The following NFIC variants were observed in gnomAD, a reference collection of about 807,000 sequenced individuals.
NFIC encodes nuclear factor I C, also known as nuclear factor 1 C-type.
Under a neutral mutation model 54.4 loss-of-function variants are expected in NFIC, and 12 were observed. The ratio of observed to expected loss-of-function variants is 0.22; its 90% CI spans 0.14 to 0.36. The LOEUF (loss-of-function observed/expected upper bound fraction) is 0.36, where lower values mean the gene tolerates loss of function less well. Among genes scored for constraint, NFIC ranks in the 10% least tolerant of loss-of-function variants. The probability of loss-of-function intolerance (pLI) is 1.00; values close to 1 mark genes in which losing one functional copy is unlikely to be tolerated. For missense variants in NFIC, 575 were observed against 718.2 expected (o/e 0.80, Z 2.28); for synonymous variants, 322 against 319.2 (o/e 1.01, Z -0.09).
In NFIC at chr19:3,397,672, G is replaced by A. The variant is rs561752456; in HGVS notation, c.562+15429G>A. ...ATCCCACCCAGTGGGCTGCCCGGAG[G>A]TGGCGGCAACGGGGCAGCTGAATGG... is the stretch of plus-strand genomic sequence containing the variant. On this transcript the variant is annotated intron_variant, in intron 2 of 10. Coordinates refer to ENST00000443272, the MANE Select transcript of NFIC (RefSeq NM_001245002.2). 9.2e-5 allele frequency among the ~76,000 whole-genome samples: 11 copies of A among 119,418 alleles called. No homozygotes were observed. The East Asian group carries it at 2.4e-3, about 26-fold the overall frequency. 78.3% of individuals were successfully genotyped at this position (119,418 alleles called of 152,430 possible). A position where few individuals can be genotyped will look rare whatever the true frequency, so the allele number is the denominator to read the frequency against.
At chr19:3,397,739 G>A (rs1232884428) in intron 2 of NFIC, among the ~76,000 whole-genome samples, 1 of 152,202 alleles carries the variant, frequency 6.6e-6, no homozygotes, top group Non-Finnish European at 1.5e-5. Flanking sequence ...GGGTCACCCT[G>A]GGACATGCCC....
chr19:3,362,046 CT>C (rs1374149558), upstream of NFIC, among the ~76,000 whole-genome samples: 1 of 152,220 alleles, frequency 6.6e-6, no homozygotes, highest in East Asian at 1.9e-4. Flanking sequence ...ACAACCACAT[CT>C]CACCCTCCTG....
In NFIC at chr19:3,452,347, G is replaced by T. The variant is rs1339585294; in HGVS notation, c.1085-135G>T. 2 of 1,207,562 alleles carry T rather than the reference G, an allele frequency of 1.7e-6. No individual in the cohort carries two copies. The highest frequency in any genetic ancestry group is 1.4e-5 in the South Asian group (1 of 72,096). The allele number at this position is 1,207,562 out of a possible 1,614,324, so 74.8% of individuals were successfully genotyped here. The stretch of plus-strand genomic sequence containing the variant: ...GTGTCAATGTGGTCAGTGCTGCTGG[G>T]TTTTTTTGGTGGTTATTGTTACTAA... On this transcript the variant is annotated intron_variant, in intron 7 of 10. Coordinates refer to ENST00000443272, the MANE Select transcript of NFIC (RefSeq NM_001245002.2). The surrounding 1 kb of genome is among the most constrained non-coding windows in gnomAD (Gnocchi z 5.3).
rs201917998 is a variant in NFIC at position 3,372,849 on chromosome 19, CT to C, written c.30+6196del. On this transcript the variant is annotated intron_variant, in intron 1 of 10. Transcript: ENST00000443272. ...TGATAGTCCCCACTTTCATAGTAGA[CT>C]TTTTTTTTTTTTGAAACAGAGTCTC... Among the ~76,000 whole-genome samples, 272 of 146,250 alleles carry C rather than the reference CT, an allele frequency of 1.9e-3. 1 individual carries two copies. The highest frequency in any genetic ancestry group is 3.7e-3 in the African/African-American group (148 of 39,982).
chr19:3,365,796 G>T (rs754137393), upstream of NFIC, among the ~76,000 whole-genome samples: 6 of 152,110 alleles, frequency 3.9e-5, no homozygotes, highest in Non-Finnish European at 8.8e-5. Context: ...CTGCCCCTTG[G>T]GTGCTGGGTG....
intron 1 of NFIC, among the ~76,000 whole-genome samples, chr19:3,367,325 C>A (rs1347536615): frequency 1.3e-5 from 2 of 152,184 alleles, no homozygotes; most frequent in African/African-American, 4.8e-5. Flanking sequence ...CCCCCAGCAC[C>A]GTCCCGGTAT....
intron 2 of NFIC, among the ~76,000 whole-genome samples, chr19:3,422,767 T>C (rs2081972890): frequency 6.6e-6 from 1 of 151,712 alleles, no homozygotes; most frequent in South Asian, 2.1e-4. Flanking sequence ...CCGGGGGGTC[T>C]TGGAGACAGT....
rs146338186 is a variant in NFIC, at chr19:3,438,639, G to A, written c.958+3432G>A. 4.7e-4 allele frequency among the ~76,000 whole-genome samples: 71 copies of A among 151,922 alleles called. 2 individuals are homozygous for A. The East Asian group carries it at 6.2e-3, about 13-fold the overall frequency. On this transcript the variant is annotated intron_variant, in intron 6 of 10. Coordinates refer to ENST00000443272, the MANE Select transcript of NFIC (RefSeq NM_001245002.2). The stretch of plus-strand genomic sequence containing the variant: ...TTTTCAGTAGAGACGGGGTTTCACC[G>A]TGTTAGCCAGGATGGTCTCGATCTC...
intron 1 of NFIC, among the ~76,000 whole-genome samples, chr19:3,360,087 G>T (rs1281217595): frequency 6.8e-6 from 1 of 147,314 alleles, no homozygotes; most frequent in Non-Finnish European, 1.5e-5. Flanking sequence ...GGGAGCCCGG[G>T]CCAGGGAGGG....
chr19:3,462,854 T>A lies in NFIC; in HGVS notation c.*85T>A. ...GCCGGCCCCCGGCCCACGTTTTCGGTGGAAAATTAGAGTGAACAAGAACAC... is the reference window on the plus strand; with the variant it reads ...GCCGGCCCCCGGCCCACGTTTTCGGAGGAAAATTAGAGTGAACAAGAACAC... On this transcript the variant is annotated 3_prime_UTR_variant, in exon 11 of 11. Coordinates refer to ENST00000443272, the MANE Select transcript of NFIC (RefSeq NM_001245002.2). 6.2e-7 allele frequency: 1 copy of A among 1,607,298 alleles called. No homozygotes were observed. The highest frequency in any genetic ancestry group is 8.5e-7 in the Non-Finnish European group (1 of 1,178,192).
In NFIC at chr19:3,465,128, C is replaced by T. The variant is rs2082699453; in HGVS notation, c.*2359C>T. On this transcript the variant is annotated 3_prime_UTR_variant, in exon 11 of 11. Transcript: ENST00000443272. ...TGGCTCTATCTCCCTGTTCCTCGCC[C>T]CCTCCACCCCCCACTTCCTCTTTAA... 6.8e-6 allele frequency: 1 copy of T among 147,104 alleles called. No homozygotes were observed. The highest frequency in any genetic ancestry group is 2.5e-5 in the African/African-American group (1 of 39,456). The allele number at this position is 147,104 out of a possible 1,614,324, so 9.1% of individuals were successfully genotyped here.
In NFIC at chr19:3,453,825, T is replaced by C; in HGVS notation, c.1332T>C (p.Pro444=). 3 of 1,596,786 alleles carry C rather than the reference T, an allele frequency of 1.9e-6. No individual in the cohort carries two copies. The highest frequency in any genetic ancestry group is 2.6e-6 in the Non-Finnish European group (3 of 1,172,584). Residue 444 remains proline, a synonymous_variant, in exon 9 of 11, where the codon CCT becomes CCC. Coordinates refer to ENST00000443272, the MANE Select transcript of NFIC (RefSeq NM_001245002.2). The surrounding 1 kb of genome is among the most constrained non-coding windows in gnomAD (Gnocchi z 6.7). ...SHCLSAQMLA[P]PPPGLPRLAL... ...GCCTTTCTGCTCAGATGCTGGCACC[T>C]CCGCCCCCGGGGCTGCCACGGCTGG...
chr19:3,438,118 A>C (rs1443939521), intron 6 of NFIC, among the ~76,000 whole-genome samples: 1 of 152,194 alleles, frequency 6.6e-6, no homozygotes, highest in Non-Finnish European at 1.5e-5. Flanking sequence ...TGTAGCTTTA[A>C]GTCTATTTAT....
intron 2 of NFIC, among the ~76,000 whole-genome samples, chr19:3,402,303 G>A (rs2081571022): frequency 6.6e-6 from 1 of 152,200 alleles, no homozygotes; most frequent in Non-Finnish European, 1.5e-5. Flanking sequence ...CCCAGCCTCA[G>A]CCTCCCACAG....
rs1347205547 is a variant in NFIC, at chr19:3,453,878, C to G, written c.1385C>G (p.Thr462Ser). 1.3e-6 allele frequency: 2 copies of G among 1,561,120 alleles called. No individual in the cohort carries two copies. Among genetic ancestry groups the G allele is most frequent in the Non-Finnish European group, 1.7e-6 (2 of 1,154,752 alleles). The part of the protein sequence containing the change: ...LALPPATKPA[T>S]TSEGGATSPT... ...CTCCCCCCTGCCACCAAACCCGCCA[C>G]CACCTCCGAGGGAGGAGCCACGTCG... Residue 462 changes from threonine (T) to serine (S), a missense_variant, in exon 9 of 11, where the codon ACC becomes AGC. This residue lies in a region of NFIC where 447 missense variants were observed against 526.9 expected (regional missense o/e 0.85). Coordinates refer to ENST00000443272, the MANE Select transcript of NFIC (RefSeq NM_001245002.2). This position sits in a 1 kb window ranked among gnomAD's most constrained non-coding sequence, Gnocchi z 6.7.
upstream of NFIC, among the ~76,000 whole-genome samples, chr19:3,363,241 G>GTGTGCGTGTGTGTGTGTGTATATATA (rs1165983533): frequency 1.3e-5 from 1 of 77,030 alleles, no homozygotes; most frequent in Non-Finnish European, 2.5e-5. Flanking sequence ...GTATGTGTGT[G>GTGTGCGTGTGTGTGTGTGTATATATA]TATATATATA....
In NFIC at chr19:3,452,713, G is replaced by A. The variant is rs771792185; in HGVS notation, c.1269+47G>A. On this transcript the variant is annotated intron_variant, in intron 8 of 10. Transcript: ENST00000443272. The surrounding 1 kb of genome is among the most constrained non-coding windows in gnomAD (Gnocchi z 5.3). ...CGGGCCTCTCCTGGCGGCTCCAGGT[G>A]ACCTCCCGGGGGCCACGTGCTCACA... 6.5e-7 allele frequency: 1 copy of A among 1,541,812 alleles called. No individual in the cohort carries two copies. Among genetic ancestry groups the A allele is most frequent in the East Asian group, 2.3e-5 (1 of 43,952 alleles).
intron 3 of NFIC, among the ~76,000 whole-genome samples, chr19:3,429,118 C>T (rs2082073285): frequency 7.5e-6 from 1 of 133,838 alleles, no homozygotes; most frequent in Admixed American, 8.3e-5. Flanking sequence ...GACCCTATCT[C>T]TACCCAAAAA....
intron 6 of NFIC, among the ~76,000 whole-genome samples, chr19:3,437,286 T>A (rs1187942300): frequency 3.3e-5 from 5 of 151,604 alleles, no homozygotes; most frequent in Non-Finnish European, 5.9e-5. Context: ...GAGAATGGCA[T>A]GAACCCGGGA....
Sources: allele counts gnomAD v4.1 joint callset (sites outside exome capture counted in the v4.1 genomes callset), GRCh38; gene constraint gnomAD v4.1.1; regional missense constraint gnomAD v4.1.1; non-coding constraint Gnocchi (gnomAD v3.1); transcripts MANE v1.5; gene names NCBI Gene and HGNC (gene_info 2026-07-23, HGNC 2026-07-21).